Variants in UBE3A observed in about 807,000 individuals in gnomAD.
UBE3A encodes the protein ubiquitin protein ligase E3A.
UBE3A carries 6 observed loss-of-function variants against 83.4 expected under a neutral mutation model. The ratio of observed to expected loss-of-function variants is 0.07; its 90% CI spans 0.04 to 0.14. The LOEUF is 0.14. Among genes scored for constraint, UBE3A ranks in the 10% least tolerant of loss-of-function variants. The pLI is 1.00. For synonymous variants in UBE3A, 337 were observed against 355.4 expected (o/e 0.95, Z 0.58); for missense variants, 456 against 1,036.1 (o/e 0.44, Z 7.69).
chr15:25,424,681 T>C (rs777446589), intron 1 of UBE3A, among the ~76,000 whole-genome samples: 4 of 151,898 alleles, frequency 2.6e-5, no homozygotes, highest in Non-Finnish European at 4.4e-5. Flanking sequence ...GAAAAAAAAA[T>C]TATATGAAAC....
chr15:25,354,207 T>A (rs1266411272), intron 11 of UBE3A, 146 bp downstream of exon 11: 1 of 719,046 alleles, frequency 1.4e-6, no homozygotes, highest in East Asian at 2.7e-5. Flanking sequence ...AAATGGTGAT[T>A]ATATTACAAA....
chr15:25,433,507 A>G (rs926839807), intron 1 of UBE3A, among the ~76,000 whole-genome samples: 16 of 152,128 alleles, frequency 1.1e-4, no homozygotes, highest in African/African-American at 3.9e-4. Context: ...CTTAATCTAC[A>G]TTTTCAAGAA....
chr15:25,417,772 C>G (rs151111363), intron 1 of UBE3A, among the ~76,000 whole-genome samples: 1 of 151,780 alleles, frequency 6.6e-6, no homozygotes, highest in East Asian at 1.9e-4. Flanking sequence ...TAATACCAAA[C>G]AGTCTAACAT....
At chr15:25,416,307 AT>A (rs2090912281) in intron 1 of UBE3A, among the ~76,000 whole-genome samples, 1 of 152,150 alleles carries the variant, frequency 6.6e-6, no homozygotes, top group Non-Finnish European at 1.5e-5. Context: ...TTAAAATGGA[AT>A]ATCACTTCCA....
intron 6 of UBE3A, among the ~76,000 whole-genome samples, chr15:25,365,715 T>TCCA (rs1168045484): frequency 7.2e-6 from 1 of 137,958 alleles, no homozygotes; most frequent in Non-Finnish European, 1.5e-5. Context: ...GCCACTGCAC[T>TCCA]CCAGCCTGGG....
intron 4 of UBE3A, among the ~76,000 whole-genome samples, chr15:25,378,260 TAGG>T (rs991418890): frequency 2.6e-5 from 4 of 152,068 alleles, no homozygotes; most frequent in Non-Finnish European, 2.9e-5. Flanking sequence ...ATATACTACA[TAGG>T]AGGAGAGTGA....
chr15:25,415,971 A>G (rs1266747146), intron 1 of UBE3A: 1 of 152,142 alleles, frequency 6.6e-6, no homozygotes, highest in Non-Finnish European at 1.5e-5. Context: ...GTAAATGCCA[A>G]TTTAAGAAAC....
intron 6 of UBE3A, among the ~76,000 whole-genome samples, chr15:25,367,005 G>A (rs2079222314): frequency 6.6e-6 from 1 of 151,050 alleles, no homozygotes; most frequent in Non-Finnish European, 1.5e-5. Context: ...GCAGTTTGAG[G>A]GACCTCATGA....
chr15:25,362,364 G>A (rs986544312), intron 6 of UBE3A, among the ~76,000 whole-genome samples: 9 of 152,156 alleles, frequency 5.9e-5, no homozygotes, highest in Admixed American at 1.3e-4. Flanking sequence ...GTTATGGAAA[G>A]ACCAAGAGTC....
At chr15:25,417,081 A>C (rs747442493) in intron 1 of UBE3A, among the ~76,000 whole-genome samples, 2 of 152,116 alleles carry the variant, frequency 1.3e-5, no homozygotes, top group Non-Finnish European at 2.9e-5. Context: ...TACACGATTA[A>C]GGTAAGTGAC....
In UBE3A at chr15:25,411,945, A is replaced by C. The variant is rs2090073883; in HGVS notation, c.-138T>G. On this transcript the variant is annotated 5_prime_UTR_variant, in exon 2 of 13. Coordinates refer to ENST00000648336, the MANE Select transcript of UBE3A (RefSeq NM_130839.5). ...AACTTCTGAGGAGCTGGTGAATTCT[A>C]AAATCAGGCTCTTACAGATTTTTAA... 6.6e-6 allele frequency: 1 copy of C among 152,232 alleles called. No individual in the cohort carries two copies. The highest frequency in any genetic ancestry group is 1.5e-5 in the Non-Finnish European group (1 of 68,042). The allele number at this position is 152,232 out of a possible 1,614,324, so 9.4% of individuals were successfully genotyped here.
intron 1 of UBE3A, among the ~76,000 whole-genome samples, chr15:25,419,995 A>G (rs1215295479): frequency 6.6e-6 from 1 of 152,122 alleles, no homozygotes; most frequent in East Asian, 1.9e-4. Flanking sequence ...ACAAATAGAA[A>G]ACAAATAGTG....
chr15:25,368,939 C>A (rs963442164), intron 6 of UBE3A, among the ~76,000 whole-genome samples: 2 of 152,010 alleles, frequency 1.3e-5, no homozygotes, highest in Non-Finnish European at 2.9e-5. Context: ...AATTTCATTG[C>A]CTTTTAAAGG....
chr15:25,378,210 A>T (rs1339388563), intron 4 of UBE3A, among the ~76,000 whole-genome samples: 2 of 152,178 alleles, frequency 1.3e-5, no homozygotes, highest in Non-Finnish European at 2.9e-5. Flanking sequence ...TTATACTAAA[A>T]TAACCTCCCC....
At chr15:25,407,516 T>C (rs2088919081) in intron 3 of UBE3A, 1 of 153,976 alleles carries the variant, frequency 6.5e-6, no homozygotes, top group Non-Finnish European at 1.4e-5. Flanking sequence ...ACTACATCTA[T>C]CTTCCCAATT....
At chr15:25,389,010 A>C (rs1392769203) in intron 4 of UBE3A, among the ~76,000 whole-genome samples, 2 of 152,188 alleles carry the variant, frequency 1.3e-5, no homozygotes, top group Non-Finnish European at 2.9e-5. Flanking sequence ...GTGAGAGACA[A>C]CTCAATATTG....
At chr15:25,425,095 A>G (rs1317690079) in intron 1 of UBE3A, among the ~76,000 whole-genome samples, 1 of 152,200 alleles carries the variant, frequency 6.6e-6, no homozygotes, top group Non-Finnish European at 1.5e-5. Context: ...TCCTGGTTTC[A>G]AGACTTACTA....
chr15:25,377,661 A>C (rs984709321), intron 4 of UBE3A, among the ~76,000 whole-genome samples: 1 of 152,198 alleles, frequency 6.6e-6, no homozygotes, highest in Non-Finnish European at 1.5e-5. Context: ...AAAACAGTGA[A>C]CATGTATCGA....
Position 25,375,769 on chromosome 15 carries a change from C to T in UBE3A, c.63-6G>A. ...GCTTTGCAGCTGCTCGCTTCCTGTA[C>T]CAAACATTCAAACAATAAGCACAGT... On this transcript the variant is annotated splice_region_variant and splice_polypyrimidine_tract_variant and intron_variant, in intron 4 of 12. Transcript: ENST00000648336. The T allele has an allele frequency of 6.2e-7, 1 of 1,607,520 alleles. No individual in the cohort carries two copies. The highest frequency in any genetic ancestry group is 8.5e-7 in the Non-Finnish European group (1 of 1,179,988).
Sources: allele counts gnomAD v4.1 joint callset (sites outside exome capture counted in the v4.1 genomes callset), GRCh38; gene constraint gnomAD v4.1.1; transcripts MANE v1.5; gene names NCBI Gene and HGNC (gene_info 2026-07-23, HGNC 2026-07-21).